GLIS3: variants seen among roughly 807,000 people sequenced by gnomAD.
The protein encoded by GLIS3 is GLIS family zinc finger 3.
In GLIS3, 53 loss-of-function variants were observed where a neutral mutation model predicts 78.6. The observed-to-expected ratio is 0.67, with a 90% CI of 0.54 to 0.85. The LOEUF is 0.85. GLIS3 is among the 40% of genes least tolerant of loss of function. The pLI is 0.00. For synonymous variants in GLIS3, 684 were observed against 509.9 expected, an observed-to-expected ratio of 1.34 and a Z score of -4.60; for missense variants, 1,703 against 1,231.1, an observed-to-expected ratio of 1.38 and a Z score of -5.74.
chr9:3,900,326 A>G (rs1389663222), intron 6 of GLIS3, among the ~76,000 whole-genome samples: 1 of 152,180 alleles, frequency 6.6e-6, no homozygotes, highest in African/African-American at 2.4e-5. Flanking sequence ...ATGAAGGTAC[A>G]GTGAGAGAGG....
chr9:4,280,229 C>T (rs919260285), intron 2 of GLIS3, among the ~76,000 whole-genome samples: 8 of 152,196 alleles, frequency 5.3e-5, no homozygotes, highest in Non-Finnish European at 1.0e-4. Context: ...CACTTTGTTG[C>T]CCAGACTGGT....
intron 2 of GLIS3, among the ~76,000 whole-genome samples, chr9:4,249,847 G>A (rs1010796020): frequency 6.6e-5 from 10 of 152,096 alleles, no homozygotes; most frequent in Admixed American, 1.3e-4. Flanking sequence ...GAATTTTATC[G>A]AAGGCCTTTT....
the GLIS3 span, among the ~76,000 whole-genome samples, chr9:4,489,317 G>A: frequency 6.6e-6 from 1 of 151,968 alleles, no homozygotes; most frequent in Non-Finnish European, 1.5e-5. Context: ...ATCTATTATC[G>A]CTTAAAAGAT....
chr9:3,892,960 CTTTTAT>C (rs1311747606), intron 7 of GLIS3, among the ~76,000 whole-genome samples: 4 of 152,084 alleles, frequency 2.6e-5, no homozygotes, highest in Non-Finnish European at 5.9e-5. Context: ...ACACATCTAA[CTTTTAT>C]TTTAAGTTCA....
intron 5 of GLIS3, among the ~76,000 whole-genome samples, chr9:3,935,873 A>AT: frequency 6.6e-6 from 1 of 152,332 alleles, no homozygotes; most frequent in South Asian, 2.1e-4. Context: ...TATATTTGAG[A>AT]TATTTACTAG....
chr9:4,180,131 C>A (rs1209759715), intron 2 of GLIS3, among the ~76,000 whole-genome samples: 1 of 152,006 alleles, frequency 6.6e-6, no homozygotes, highest in African/African-American at 2.4e-5. Flanking sequence ...CAGTGAGGGG[C>A]AGTGATAGAG....
intron 4 of GLIS3, 93 bp from the exon 5 acceptor site, chr9:3,937,282 T>A (rs1159316186): frequency 1.6e-6 from 2 of 1,277,494 alleles, no homozygotes; most frequent in Middle Eastern, 1.9e-4. Context: ...TAGTTGGTAC[T>A]TTGCCGAAAA....
the GLIS3 span, among the ~76,000 whole-genome samples, chr9:4,483,521 C>T: frequency 6.6e-6 from 1 of 151,890 alleles, no homozygotes; most frequent in South Asian, 2.1e-4. Context: ...AGTTTGAGAC[C>T]AGCCTGACCA....
At chr9:4,145,747 C>CCCCT (rs1834176905) in intron 2 of GLIS3, among the ~76,000 whole-genome samples, 1 of 151,790 alleles carries the variant, frequency 6.6e-6, no homozygotes, top group South Asian at 2.1e-4. Context: ...CCCTTTGTTC[C>CCCCT]CCCTCCCTCC....
chr9:4,293,422 T>A (rs537845818), intron 1 of GLIS3, among the ~76,000 whole-genome samples: 78 of 152,320 alleles, frequency 5.1e-4, no homozygotes, highest in Non-Finnish European at 9.3e-4. Flanking sequence ...TAAATTATGT[T>A]CACTGACATC....
chr9:4,049,838 C>A (rs1416578047), intron 4 of GLIS3, among the ~76,000 whole-genome samples: 2 of 152,100 alleles, frequency 1.3e-5, no homozygotes, highest in African/African-American at 2.4e-5. Context: ...CCAACAGACA[C>A]ATGAAAAAAT....
At chr9:3,867,421 C>A (rs1820659292) in intron 8 of GLIS3, among the ~76,000 whole-genome samples, 1 of 152,162 alleles carries the variant, frequency 6.6e-6, no homozygotes, top group Non-Finnish European at 1.5e-5. Flanking sequence ...ATTCCAAAGG[C>A]CAATGACCTA....
At chr9:3,861,874 C>T (rs916166477) in intron 8 of GLIS3, among the ~76,000 whole-genome samples, 15 of 152,224 alleles carry the variant, frequency 9.9e-5, no homozygotes, top group East Asian at 3.9e-4. Flanking sequence ...CACAGCAAAC[C>T]GCCATGGCAC....
chr9:4,212,255 A>G (rs1586992674), intron 2 of GLIS3, among the ~76,000 whole-genome samples: 1 of 152,206 alleles, frequency 6.6e-6, no homozygotes, highest in Admixed American at 6.5e-5. Flanking sequence ...TTTTTCCCCA[A>G]TGGCTGAGTT....
At chr9:3,970,415 G>A (rs1818294766) in intron 4 of GLIS3, among the ~76,000 whole-genome samples, 2 of 152,212 alleles carry the variant, frequency 1.3e-5, no homozygotes, top group African/African-American at 4.8e-5. Flanking sequence ...AGTCCAAAAT[G>A]TAATTTCTTT....
intron 3 of GLIS3, among the ~76,000 whole-genome samples, chr9:4,309,344 T>C (rs902098794): frequency 6.6e-6 from 1 of 152,212 alleles, no homozygotes; most frequent in East Asian, 1.9e-4. Flanking sequence ...AAGTTAATAC[T>C]TTTTTAAAAA....
At chr9:4,057,218 T>G (rs985920847) in intron 4 of GLIS3, among the ~76,000 whole-genome samples, 2 of 152,174 alleles carry the variant, frequency 1.3e-5, no homozygotes, top group African/African-American at 4.8e-5. Flanking sequence ...CATCGGCCCC[T>G]ACCCTTAGAA....
At chr9:4,036,113 T>C (rs899368240) in intron 4 of GLIS3, 1 of 152,230 alleles carries the variant, frequency 6.6e-6, no homozygotes, top group African/African-American at 2.4e-5. Flanking sequence ...CACAGGGAAT[T>C]ACCATCTGAA....
intron 2 of GLIS3, among the ~76,000 whole-genome samples, chr9:4,166,044 TG>T: frequency 1.3e-5 from 2 of 152,322 alleles, no homozygotes; most frequent in South Asian, 4.1e-4. Flanking sequence ...CTTCAAAGCC[TG>T]GGCTACTGCT....
Sources: allele counts gnomAD v4.1 joint callset (sites outside exome capture counted in the v4.1 genomes callset), GRCh38; gene constraint gnomAD v4.1.1; transcripts MANE v1.5; gene names NCBI Gene and HGNC (gene_info 2026-07-23, HGNC 2026-07-21).